TPO: variants seen among roughly 807,000 people sequenced by gnomAD.
The protein encoded by TPO is thyroid microsomal antigen.
TPO carries 78 observed loss-of-function variants against 96.9 expected under a neutral mutation model. That is an observed-to-expected ratio of 0.81 (90% confidence interval 0.67 to 0.97). The LOEUF (loss-of-function observed/expected upper bound fraction) is 0.97. TPO is among the 50% of genes least tolerant of loss of function. TPO has a pLI of 0.00. For synonymous variants in TPO, 547 were observed against 538.0 expected (o/e 1.02, Z -0.23); for missense variants, 1,252 against 1,274.8 (o/e 0.98, Z 0.27).
rs28910012 is a variant in TPO, at chr2:1,421,827, C to T, written c.95-1218C>T. ...CCAGGCCGCCCCTCCCCTCTCGGCT[C>T]CTACTCACTCTTGGTGGCATCGTCC... On this transcript the variant is annotated intron_variant, in intron 2 of 16. Coordinates refer to ENST00000329066, the MANE Select transcript of TPO (RefSeq NM_001206744.2). Among the ~76,000 whole-genome samples the T allele has an allele frequency of 1.5e-3, 230 of 152,318 alleles. 2 individuals carry two copies. The highest frequency in any genetic ancestry group is 0.01 in the Admixed American group (157 of 15,304).
intron 4 of TPO, among the ~76,000 whole-genome samples, chr2:1,434,849 T>C (rs1195085670): frequency 1.3e-5 from 2 of 152,236 alleles, no homozygotes; most frequent in Non-Finnish European, 2.9e-5. Flanking sequence ...CAAGACAGAA[T>C]TCCATTAAAG....
chr2:1,423,817 C>T (rs1259847927), intron 3 of TPO, among the ~76,000 whole-genome samples: 2 of 152,060 alleles, frequency 1.3e-5, no homozygotes, highest in Non-Finnish European at 2.9e-5. Context: ...TGGCTGCAAA[C>T]AAATTATTAT....
chr2:1,510,888 GATATAGATATAAATTTAC>G (rs1300422148), intron 14 of TPO, among the ~76,000 whole-genome samples: 1 of 152,142 alleles, frequency 6.6e-6, no homozygotes, highest in Non-Finnish European at 1.5e-5. Context: ...CAGATATATA[GATATAGATATAAATTTAC>G]ATATAGGTAT....
At position 1,453,838 on chromosome 2, in the gene TPO, C is replaced by T. The variant is rs182021224; in HGVS notation, c.612+15C>T. 3,149 of 1,613,574 alleles carry T rather than the reference C, an allele frequency of 2.0e-3. 2 individuals carry two copies. Among genetic ancestry groups the T allele is most frequent in the Non-Finnish European group, 2.2e-3 (2,640 of 1,180,030 alleles). On this transcript the variant is annotated intron_variant, in intron 6 of 16. Coordinates refer to ENST00000329066, the MANE Select transcript of TPO (RefSeq NM_001206744.2). The stretch of plus-strand genomic sequence containing the variant: ...CACTGCCCCCGGTGGGTACTCAGAA[C>T]GCTACTATCCTGGACTAAGATTGGG...
intron 8 of TPO, among the ~76,000 whole-genome samples, chr2:1,478,583 G>A (rs867858823): frequency 4.6e-5 from 7 of 152,252 alleles, no homozygotes; most frequent in Non-Finnish European, 8.8e-5. Context: ...GCCTCCATGC[G>A]CTGGGTGTTA....
chr2:1,519,117 G>A (rs28913030), intron 15 of TPO, among the ~76,000 whole-genome samples: 8,645 of 152,228 alleles, frequency 0.057, 596 homozygotes, highest in African/African-American at 0.16. Flanking sequence ...GAGGGAGGCC[G>A]GGGGAGCCGC....
intron 14 of TPO, 141 bp downstream of exon 14, chr2:1,504,220 C>A: frequency 6.8e-7 from 1 of 1,473,226 alleles, no homozygotes; most frequent in Non-Finnish European, 9.2e-7. Flanking sequence ...GCCCACGGTG[C>A]CCGAGGGGCG....
intron 15 of TPO, among the ~76,000 whole-genome samples, chr2:1,536,721 C>T (rs1220259324): frequency 5.7e-5 from 7 of 122,182 alleles, no homozygotes; most frequent in Admixed American, 1.8e-4. Context: ...TATGCAACCT[C>T]CTCAAATCCC....
At chr2:1,507,701 A>G (rs1443153348) in intron 14 of TPO, among the ~76,000 whole-genome samples, 3 of 151,752 alleles carry the variant, frequency 2.0e-5, no homozygotes, top group African/African-American at 7.3e-5. Flanking sequence ...TTATTGGTGT[A>G]TAAGAATGCT....
intron 1 of TPO, among the ~76,000 whole-genome samples, chr2:1,401,970 A>G (rs759887918): frequency 2.0e-5 from 3 of 152,144 alleles, no homozygotes; most frequent in Non-Finnish European, 4.4e-5. Flanking sequence ...CATGAGACAA[A>G]AGCCAGCCAG....
chr2:1,392,573 G>C (rs142982002), intron 1 of TPO, among the ~76,000 whole-genome samples: 1 of 152,176 alleles, frequency 6.6e-6, no homozygotes, highest in Non-Finnish European at 1.5e-5. Flanking sequence ...AGTGTCAGAA[G>C]GAATGGTACC....
At chr2:1,489,933 AGGAG>A (rs1671563004) in intron 10 of TPO, among the ~76,000 whole-genome samples, 3 of 140,598 alleles carry the variant, frequency 2.1e-5, no homozygotes. Context: ...AGCACACAGG[AGGAG>A]TCACGACAGA....
chr2:1,407,321 G>C (rs1293569298), intron 1 of TPO, among the ~76,000 whole-genome samples: 1 of 152,134 alleles, frequency 6.6e-6, no homozygotes, highest in Non-Finnish European at 1.5e-5. Flanking sequence ...TTTGTTACTG[G>C]CAGTTGTGGA....
At chr2:1,486,553 A>C (rs750307757) in intron 9 of TPO, among the ~76,000 whole-genome samples, 52 of 152,152 alleles carry the variant, frequency 3.4e-4, no homozygotes, top group Non-Finnish European at 7.4e-5. Context: ...AAATAAAATA[A>C]AATAAAAATA....
intron 13 of TPO, 173 bp from the exon 14 acceptor site, chr2:1,503,775 A>G (rs1673113295): frequency 2.5e-6 from 3 of 1,210,486 alleles, no homozygotes; most frequent in Non-Finnish European, 3.6e-6. Flanking sequence ...GCTCCTCATC[A>G]CCTTTTCGGA....
chr2:1,396,217 C>T (rs1450881603), intron 1 of TPO, among the ~76,000 whole-genome samples: 1 of 152,144 alleles, frequency 6.6e-6, no homozygotes, highest in Non-Finnish European at 1.5e-5. Context: ...AGCAGGGGTT[C>T]CCCAGGACGG....
upstream of TPO, among the ~76,000 whole-genome samples, chr2:1,410,821 A>G (rs930435052): frequency 4.0e-5 from 6 of 150,744 alleles, no homozygotes; most frequent in Non-Finnish European, 8.9e-5. Context: ...GAGCTCCTTG[A>G]TTTTTCTCAT....
chr2:1,449,020 C>T (rs1186466485), intron 5 of TPO, among the ~76,000 whole-genome samples: 3 of 152,202 alleles, frequency 2.0e-5, no homozygotes, highest in African/African-American at 4.8e-5. Context: ...AAGCCAACTT[C>T]CTCCAGCGGC....
intron 2 of TPO, among the ~76,000 whole-genome samples, chr2:1,420,370 C>T (rs369593332): frequency 6.6e-6 from 1 of 152,074 alleles, no homozygotes; most frequent in Admixed American, 6.5e-5. Flanking sequence ...TGGTCTTGGT[C>T]GTGAATAGCG....
Sources: gnomAD v4.1 joint callset for allele counts (sites outside exome capture counted in the v4.1 genomes callset) on GRCh38, gnomAD v4.1.1 for gene constraint, MANE v1.5 for transcripts, NCBI Gene and HGNC (gene_info 2026-07-23, HGNC 2026-07-21) for gene names.